Variants in ARSB observed in about 807,000 individuals in gnomAD.
ARSB encodes the protein N-acetylgalactosamine-4-sulfatase.
In ARSB, 41 loss-of-function variants were observed where a neutral mutation model predicts 50.9. The ratio of observed to expected loss-of-function variants is 0.81; its 90% CI spans 0.63 to 1.04. ARSB has a LOEUF of 1.04. Ranked by LOEUF, ARSB falls within the 50% of genes least tolerant of loss-of-function variation. The probability of loss-of-function intolerance (pLI) is 0.00; values close to 1 mark genes in which losing one functional copy is unlikely to be tolerated. For missense variants in ARSB, 672 were observed against 693.3 expected, an observed-to-expected ratio of 0.97 and a Z score of 0.35; for synonymous variants, 269 against 284.8, an observed-to-expected ratio of 0.94 and a Z score of 0.56.
intron 5 of ARSB, among the ~76,000 whole-genome samples, chr5:78,872,582 C>T (rs1294691666): frequency 2.9e-5 from 4 of 139,384 alleles, no homozygotes; most frequent in Middle Eastern, 3.3e-3. Context: ...AACCAAACAC[C>T]GCATATTCTC....
At chr5:78,848,119 C>A (rs902460723) in intron 5 of ARSB, among the ~76,000 whole-genome samples, 2 of 150,424 alleles carry the variant, frequency 1.3e-5, no homozygotes, top group African/African-American at 4.9e-5. Flanking sequence ...GCACAATGTG[C>A]AGGTTAGTTA....
intron 6 of ARSB, among the ~76,000 whole-genome samples, chr5:78,819,804 C>T (rs946553054): frequency 1.3e-5 from 2 of 152,188 alleles, no homozygotes; most frequent in African/African-American, 2.4e-5. Flanking sequence ...GCCTGGGAGG[C>T]CAAGTGCTTT....
At chr5:78,978,086 C>T (rs1752741805) in intron 1 of ARSB, among the ~76,000 whole-genome samples, 1 of 152,160 alleles carries the variant, frequency 6.6e-6, no homozygotes, top group Non-Finnish European at 1.5e-5. Flanking sequence ...CGTCTATAAT[C>T]CCAACACTTT....
At chr5:78,968,358 TTA>T (rs1554087907) in intron 2 of ARSB, among the ~76,000 whole-genome samples, 1 of 146,644 alleles carries the variant, frequency 6.8e-6, no homozygotes, top group African/African-American at 2.5e-5. Flanking sequence ...ATTATTATTA[TTA>T]TTTTTGAGAC....
chr5:78,857,287 A>C (rs753714626), intron 5 of ARSB, among the ~76,000 whole-genome samples: 32 of 152,208 alleles, frequency 2.1e-4, no homozygotes, highest in Non-Finnish European at 3.8e-4. Context: ...TTGGAAAAAT[A>C]TCAGTGTCAA....
intron 4 of ARSB, among the ~76,000 whole-genome samples, chr5:78,938,625 T>C (rs569301144): frequency 6.6e-6 from 1 of 152,350 alleles, no homozygotes; most frequent in East Asian, 1.9e-4. Flanking sequence ...AGAATTTCTA[T>C]AATATTTTAT....
In ARSB at chr5:78,935,034, T is replaced by C. The variant is rs528546972; in HGVS notation, c.898+20261A>G. Among the ~76,000 whole-genome samples, 71 of 152,288 alleles carry C rather than the reference T, an allele frequency of 4.7e-4. 1 individual carries two copies. Among genetic ancestry groups the C allele is most frequent in the Non-Finnish European group, 1.5e-4 (10 of 68,024 alleles). Reference sequence around the variant, plus strand: ...ATTTTTGATTATTTAATTTCATTTTTAAGTCATACATTTTTCAAAAAAAGG... The same window carrying C: ...ATTTTTGATTATTTAATTTCATTTTCAAGTCATACATTTTTCAAAAAAAGG... On this transcript the variant is annotated intron_variant, in intron 4 of 7. Transcript: ENST00000264914.
At chr5:78,982,348 T>C (rs163130) in intron 1 of ARSB, among the ~76,000 whole-genome samples, 128,907 of 152,238 alleles carry the variant, frequency 0.85, 54,791 homozygotes, top group African/African-American at 0.92. Flanking sequence ...TTATTTTACA[T>C]GGAATATAGG....
chr5:78,868,073 T>C (rs1209743379), intron 5 of ARSB, among the ~76,000 whole-genome samples: 9 of 140,732 alleles, frequency 6.4e-5, no homozygotes, highest in Non-Finnish European at 4.6e-5. Context: ...CAATGGAAGA[T>C]GAAATGAATG....
At chr5:78,789,995 G>A (rs577047946) in intron 6 of ARSB, among the ~76,000 whole-genome samples, 8 of 152,264 alleles carry the variant, frequency 5.3e-5, no homozygotes, top group Middle Eastern at 6.8e-3. Flanking sequence ...TGAGGGAAGC[G>A]TGGCACAAAC....
intron 4 of ARSB, among the ~76,000 whole-genome samples, chr5:78,945,084 G>A (rs894424253): frequency 2.6e-5 from 4 of 152,280 alleles, no homozygotes; most frequent in South Asian, 2.1e-4. Flanking sequence ...AGCCAGGCGC[G>A]GGATACAATC....
chr5:78,861,711 G>A (rs1388085632), intron 5 of ARSB, among the ~76,000 whole-genome samples: 5 of 152,188 alleles, frequency 3.3e-5, no homozygotes, highest in Non-Finnish European at 1.5e-5. Flanking sequence ...ACAAGACAGG[G>A]ATGCCCTCTT....
At chr5:78,873,967 C>T (rs1037746263) in intron 5 of ARSB, among the ~76,000 whole-genome samples, 10 of 152,172 alleles carry the variant, frequency 6.6e-5, no homozygotes, top group Non-Finnish European at 7.3e-5. Flanking sequence ...AAAAAATCTT[C>T]TGGGTGCCCA....
At chr5:78,871,492 A>G (rs889072143) in intron 5 of ARSB, among the ~76,000 whole-genome samples, 21 of 150,832 alleles carry the variant, frequency 1.4e-4, no homozygotes, top group Admixed American at 1.3e-3. Context: ...AACAGAACAG[A>G]GCCCTCAGAA....
chr5:78,984,957 G>A lies in ARSB; in HGVS notation c.292C>T (p.Leu98=). 1.4e-6 allele frequency: 2 copies of A among 1,473,344 alleles called. No individual in the cohort carries two copies. Among genetic ancestry groups the A allele is most frequent in the Non-Finnish European group, 1.8e-6 (2 of 1,111,132 alleles). The allele number at this position is 1,473,344 out of a possible 1,614,324, so 91.3% of individuals were successfully genotyped here. The change falls in exon 1 of 8, where the codon CTG becomes TTG. Residue 98 remains leucine (L), a synonymous_variant. Transcript: ENST00000264914. The part of the protein sequence containing the change: ...QPLCTPSRSQ[L]LTGRYQIRTG... Reference sequence around the variant, plus strand: ...CGTACCTGGTAGCGGCCAGTGAGCAGCTGGCTCCGCGACGGCGTGCACAGC... The same window carrying A: ...CGTACCTGGTAGCGGCCAGTGAGCAACTGGCTCCGCGACGGCGTGCACAGC...
intron 1 of ARSB, among the ~76,000 whole-genome samples, chr5:78,972,879 G>C (rs1752518836): frequency 6.6e-6 from 1 of 152,206 alleles, no homozygotes; most frequent in African/African-American, 2.4e-5. Flanking sequence ...CAATCATATG[G>C]AGCAGGGAAT....
Position 78,932,888 on chromosome 5 carries a change from G to A in ARSB, c.898+22407C>T, listed in dbSNP as rs1434444669. Among the ~76,000 whole-genome samples the A allele has an allele frequency of 2.0e-5, 3 of 152,104 alleles. No individual in the cohort carries two copies. The East Asian group carries it at 5.8e-4, about 29-fold the overall frequency. On this transcript the variant is annotated intron_variant, in intron 4 of 7. Transcript: ENST00000264914. ...CCTATTCAAACTCTAGCATCCTTCC[G>A]CCAACAGCTCAAGCCCCAGCTCCTC...
chr5:78,949,934 AAG>A (rs1191825381), intron 4 of ARSB, among the ~76,000 whole-genome samples: 4 of 152,168 alleles, frequency 2.6e-5, no homozygotes, highest in Non-Finnish European at 5.9e-5. Flanking sequence ...AAACAAAAAA[AAG>A]AGTTAATATA....
At chr5:78,877,846 T>C (rs1282206610) in intron 5 of ARSB, among the ~76,000 whole-genome samples, 1 of 152,192 alleles carries the variant, frequency 6.6e-6, no homozygotes. Flanking sequence ...ATATAGATGT[T>C]GGAATTAGCA....
Sources: gnomAD v4.1 joint callset for allele counts (sites outside exome capture counted in the v4.1 genomes callset) on GRCh38, gnomAD v4.1.1 for gene constraint, MANE v1.5 for transcripts, NCBI Gene and HGNC (gene_info 2026-07-23, HGNC 2026-07-21) for gene names.